CDH13: variants seen among roughly 807,000 people sequenced by gnomAD.
CDH13 encodes the protein cadherin 13, also known as cadherin-13.
A neutral mutation model predicts 63.8 loss-of-function variants in CDH13; 24 were observed. The ratio of observed to expected loss-of-function variants is 0.38; its 90% CI spans 0.27 to 0.53. CDH13 has a LOEUF of 0.53. Ranked by LOEUF, CDH13 falls within the 20% of genes least tolerant of loss-of-function variation. The pLI is 0.85. For missense variants in CDH13, 1,049 were observed against 903.1 expected, an observed-to-expected ratio of 1.16 and a Z score of -2.07; for synonymous variants, 503 against 355.3, an observed-to-expected ratio of 1.42 and a Z score of -4.67.
chr16:83,625,929 A>T (rs937529099), intron 8 of CDH13, among the ~76,000 whole-genome samples: 2 of 152,132 alleles, frequency 1.3e-5, no homozygotes, highest in Non-Finnish European at 2.9e-5. Flanking sequence ...CCCCAAAGTC[A>T]GGTGTATTGG....
At chr16:83,076,709 A>G (rs967247599) in intron 3 of CDH13, among the ~76,000 whole-genome samples, 1 of 152,022 alleles carries the variant, frequency 6.6e-6, no homozygotes, top group African/African-American at 2.4e-5. Flanking sequence ...TAAGCAACAG[A>G]TATGTAACAC....
intron 6 of CDH13, among the ~76,000 whole-genome samples, chr16:83,399,832 A>G (rs2091940980): frequency 6.6e-6 from 1 of 152,180 alleles, no homozygotes. Flanking sequence ...AGTGCCTCAC[A>G]CAAGCAGGCA....
At chr16:82,925,845 AC>A (rs2042287445) in intron 2 of CDH13, 1 of 152,102 alleles carries the variant, frequency 6.6e-6, no homozygotes, top group East Asian at 1.9e-4. Flanking sequence ...GACTTGCCTT[AC>A]TTTTTTTTTG....
At chr16:83,553,086 A>G (rs925238590) in intron 7 of CDH13, among the ~76,000 whole-genome samples, 7 of 152,110 alleles carry the variant, frequency 4.6e-5, no homozygotes, top group African/African-American at 1.7e-4. Context: ...CTCAAAAAAA[A>G]AAAAAAAAGT....
rs2089822621 is a variant in CDH13 at position 83,304,282 on chromosome 16, T to C, written c.637-40580T>C. On this transcript the variant is annotated intron_variant, in intron 5 of 13. Transcript: ENST00000567109. The stretch of plus-strand genomic sequence containing the variant: ...TGAAATTGGATGTGTCAGTTCCATC[T>C]TGAACCATCCACTAAATGGAAAGGG... Among the ~76,000 whole-genome samples, 3 of 152,154 alleles carry C rather than the reference T, an allele frequency of 2.0e-5. No individual in the cohort carries two copies. In the South Asian group the frequency reaches 6.2e-4, roughly 32 times the overall value.
rs149591107 is a variant in CDH13 at position 83,371,432 on chromosome 16, C to G, written c.781+26426C>G. Among the ~76,000 whole-genome samples, 1,470 of 152,248 alleles carry G rather than the reference C, an allele frequency of 9.7e-3. 11 individuals carry two copies. The highest frequency in any genetic ancestry group is 0.024 in the Middle Eastern group (7 of 292). ...TTACTGCCCATTATAAGCCCTTTTC[C>G]TCTTTCTTGGCATACTTATACTTTC... On this transcript the variant is annotated intron_variant, in intron 6 of 13. Transcript: ENST00000567109.
At chr16:83,250,286 T>G (rs1905368052) in intron 5 of CDH13, among the ~76,000 whole-genome samples, 1 of 152,184 alleles carries the variant, frequency 6.6e-6, no homozygotes, top group South Asian at 2.1e-4. Context: ...ATTCATTAAT[T>G]TAATATTCAA....
chr16:83,286,430 G>T (rs2089314606), intron 5 of CDH13, among the ~76,000 whole-genome samples: 1 of 152,170 alleles, frequency 6.6e-6, no homozygotes, highest in Non-Finnish European at 1.5e-5. Context: ...CAGCTTTACA[G>T]ATGTACAAAT....
chr16:83,387,719 G>A (rs775304549), intron 6 of CDH13, among the ~76,000 whole-genome samples: 25 of 152,204 alleles, frequency 1.6e-4, no homozygotes, highest in African/African-American at 3.4e-4. Context: ...TATGAATGGC[G>A]AAGTGGACAA....
chr16:83,161,139 A>T (rs2037426761), intron 4 of CDH13, among the ~76,000 whole-genome samples: 1 of 152,160 alleles, frequency 6.6e-6, no homozygotes, highest in African/African-American at 2.4e-5. Flanking sequence ...CATTTGTTCC[A>T]CGTGATTTTC....
chr16:82,957,218 C>T (rs999719960), intron 2 of CDH13, among the ~76,000 whole-genome samples: 30 of 152,140 alleles, frequency 2.0e-4, no homozygotes, highest in African/African-American at 4.6e-4. Flanking sequence ...ATCTTCTTGG[C>T]GAGCTGTTGA....
intron 3 of CDH13, among the ~76,000 whole-genome samples, chr16:83,116,214 G>C (rs1485572874): frequency 6.6e-6 from 1 of 152,198 alleles, no homozygotes; most frequent in Non-Finnish European, 1.5e-5. Flanking sequence ...TTGACATTGA[G>C]CACCATGCTT....
chr16:82,627,380 G>GTGTGTGTGTGTGTA (rs1468653196), intron 1 of CDH13, among the ~76,000 whole-genome samples: 1 of 142,404 alleles, frequency 7.0e-6, no homozygotes, highest in East Asian at 2.3e-4. Context: ...GTGTGTGTGT[G>GTGTGTGTGTGTGTA]TACGTTCGTT....
intron 8 of CDH13, among the ~76,000 whole-genome samples, chr16:83,649,938 A>G (rs1267574207): frequency 6.6e-6 from 1 of 152,188 alleles, no homozygotes; most frequent in Non-Finnish European, 1.5e-5. Context: ...GGGAGGGGAA[A>G]ATGGATGACA....
chr16:82,803,159 T>C (rs749636746), intron 1 of CDH13, among the ~76,000 whole-genome samples: 8 of 152,220 alleles, frequency 5.3e-5, no homozygotes, highest in Non-Finnish European at 1.0e-4. Context: ...TCACTGACCC[T>C]GGATAGGTCT....
rs547487355 is a variant in CDH13, at chr16:83,219,903, C to T, written c.636+2406C>T. Among the ~76,000 whole-genome samples, 3 of 152,328 alleles carry T rather than the reference C, an allele frequency of 2.0e-5. No individual in the cohort carries two copies. The East Asian group carries it at 5.8e-4, about 29-fold the overall frequency. ...GGAATAAACTGGCTTGAATTCCTCT[C>T]TTCTGTGTGTAGGTGACATGGCAGG... On this transcript the variant is annotated intron_variant, in intron 5 of 13. Transcript: ENST00000567109.
At chr16:83,758,916 T>C (rs1047385521) in intron 11 of CDH13, among the ~76,000 whole-genome samples, 1 of 152,256 alleles carries the variant, frequency 6.6e-6, no homozygotes, top group African/African-American at 2.4e-5. Flanking sequence ...AGATATACCA[T>C]GTTCATGGAT....
chr16:82,832,352 A>G (rs1479201855), intron 1 of CDH13, among the ~76,000 whole-genome samples: 1 of 152,112 alleles, frequency 6.6e-6, no homozygotes, highest in African/African-American at 2.4e-5. Flanking sequence ...TTATTAATGC[A>G]TTGTCTTTTT....
At chr16:83,540,336 G>A (rs1233237711) in intron 7 of CDH13, among the ~76,000 whole-genome samples, 3 of 152,190 alleles carry the variant, frequency 2.0e-5, no homozygotes, top group Admixed American at 6.5e-5. Context: ...CCGAAGGAGT[G>A]CTGAAGACAG....
Sources: gnomAD v4.1 joint callset for allele counts (sites outside exome capture counted in the v4.1 genomes callset) on GRCh38, gnomAD v4.1.1 for gene constraint, MANE v1.5 for transcripts, NCBI Gene and HGNC (gene_info 2026-07-23, HGNC 2026-07-21) for gene names.